The following INPP4B variants were observed in gnomAD, a reference collection of about 807,000 sequenced individuals.
INPP4B encodes the protein inositol polyphosphate 4-phosphatase type II.
Under a neutral mutation model 122.5 loss-of-function variants are expected in INPP4B, and 55 were observed. The observed-to-expected ratio is 0.45, with a 90% confidence interval of 0.36 to 0.56. INPP4B has a LOEUF of 0.56. Ranked by LOEUF, INPP4B falls within the 20% of genes least tolerant of loss-of-function variation. The probability of loss-of-function intolerance (pLI) is 0.00; values close to 1 mark genes in which losing one functional copy is unlikely to be tolerated. For missense variants in INPP4B, 1,000 were observed against 1,097.7 expected, an observed-to-expected ratio of 0.91 and a Z score of 1.26; for synonymous variants, 403 against 388.7, an observed-to-expected ratio of 1.04 and a Z score of -0.43.
At chr4:142,314,673 G>A in intron 8 of INPP4B, 39 bp downstream of exon 8, 2 of 1,575,038 alleles carry the variant, frequency 1.3e-6, no homozygotes, top group Non-Finnish European at 1.7e-6. Context: ...TAATTTAGAA[G>A]TGATGTGTGT....
chr4:142,203,695 T>C (rs1166197522), intron 14 of INPP4B, among the ~76,000 whole-genome samples: 2 of 152,078 alleles, frequency 1.3e-5, no homozygotes, highest in Non-Finnish European at 2.9e-5. Flanking sequence ...CATGACAACA[T>C]TAGTTCTGCT....
chr4:142,444,113 T>G (rs1030286934), intron 3 of INPP4B, among the ~76,000 whole-genome samples: 1 of 151,946 alleles, frequency 6.6e-6, no homozygotes, highest in African/African-American at 2.4e-5. Context: ...GAAATGTAAA[T>G]AAAACATAAT....
At chr4:142,209,792 C>CAA (rs375306534) in intron 12 of INPP4B, among the ~76,000 whole-genome samples, 2,016 of 38,858 alleles carry the variant, frequency 0.052, 285 homozygotes, top group African/African-American at 0.17. Context: ...GACCCCGTCT[C>CAA]AAAAAAAAAA....
chr4:142,588,607 A>G (rs1736745285), intron 2 of INPP4B, among the ~76,000 whole-genome samples: 1 of 150,658 alleles, frequency 6.6e-6, no homozygotes, highest in Non-Finnish European at 1.5e-5. Flanking sequence ...TTAATTCCAA[A>G]AAATGAAATA....
chr4:142,655,506 C>G (rs1356523054), intron 2 of INPP4B, among the ~76,000 whole-genome samples: 1 of 152,156 alleles, frequency 6.6e-6, no homozygotes, highest in Non-Finnish European at 1.5e-5. Flanking sequence ...ATTTGTACAA[C>G]CTGTATGTTA....
At chr4:142,400,870 C>T (rs1801362204) in intron 7 of INPP4B, among the ~76,000 whole-genome samples, 1 of 152,182 alleles carries the variant, frequency 6.6e-6, no homozygotes, top group African/African-American at 2.4e-5. Context: ...AAAGCATTAA[C>T]ATTCATGCAC....
chr4:142,786,174 G>A (rs1392569329), intron 1 of INPP4B, among the ~76,000 whole-genome samples: 1 of 152,054 alleles, frequency 6.6e-6, no homozygotes, highest in Non-Finnish European at 1.5e-5. Flanking sequence ...GGGCTCTTTG[G>A]ATAAATGGTT....
At chr4:142,306,229 G>GTTTTTTTTTTTT (rs5862582) in intron 8 of INPP4B, among the ~76,000 whole-genome samples, 2 of 135,904 alleles carry the variant, frequency 1.5e-5, no homozygotes, top group African/African-American at 2.7e-5. Flanking sequence ...ACTCCAAATT[G>GTTTTTTTTTTTT]TTTTTTTTTT....
At chr4:142,749,065 GGGA>G (rs1420118521) in intron 1 of INPP4B, among the ~76,000 whole-genome samples, 2 of 151,354 alleles carry the variant, frequency 1.3e-5, no homozygotes, top group South Asian at 2.1e-4. Context: ...ACTTGAACCT[GGGA>G]GGAGAAGTTG....
At chr4:142,082,828 T>A (rs1378015795) in intron 24 of INPP4B, among the ~76,000 whole-genome samples, 3 of 152,132 alleles carry the variant, frequency 2.0e-5, no homozygotes, top group Admixed American at 2.0e-4. Context: ...TTTGCTCTTT[T>A]TAATAAACTT....
At chr4:142,412,119 A>T (rs914209060) in intron 5 of INPP4B, among the ~76,000 whole-genome samples, 7 of 152,102 alleles carry the variant, frequency 4.6e-5, no homozygotes, top group Admixed American at 4.6e-4. Flanking sequence ...GATTCCACTA[A>T]TCAACTGATA....
At chr4:142,259,064 T>A (rs1384609170) in intron 11 of INPP4B, among the ~76,000 whole-genome samples, 1 of 151,814 alleles carries the variant, frequency 6.6e-6, no homozygotes, top group East Asian at 1.9e-4. Context: ...GGGACATGCA[T>A]GAAATTGGAA....
intron 2 of INPP4B, among the ~76,000 whole-genome samples, chr4:142,714,880 C>T (rs1480566230): frequency 1.3e-5 from 2 of 152,086 alleles, no homozygotes; most frequent in Non-Finnish European, 2.9e-5. Context: ...AATTGTTCTA[C>T]AAATCAGACT....
At chr4:142,570,971 C>G (rs2150158481) in intron 2 of INPP4B, among the ~76,000 whole-genome samples, 1 of 151,830 alleles carries the variant, frequency 6.6e-6, no homozygotes, top group East Asian at 1.9e-4. Context: ...CTGTTTTTCT[C>G]CCTGGCTCCC....
At chr4:142,684,351 C>T (rs542415791) in intron 2 of INPP4B, among the ~76,000 whole-genome samples, 4 of 152,030 alleles carry the variant, frequency 2.6e-5, no homozygotes, top group Admixed American at 6.6e-5. Context: ...GGAGACTCAA[C>T]ATAGAAAAGT....
chr4:142,432,840 C>T (rs1244390339), intron 3 of INPP4B, among the ~76,000 whole-genome samples: 1 of 152,000 alleles, frequency 6.6e-6, no homozygotes, highest in African/African-American at 2.4e-5. Context: ...TATGATGAAT[C>T]CTAGCAAAAT....
At chr4:142,201,688 GA>G (rs967677801) in intron 14 of INPP4B, among the ~76,000 whole-genome samples, 4 of 148,382 alleles carry the variant, frequency 2.7e-5, no homozygotes, top group Admixed American at 2.0e-4. Flanking sequence ...CCTCCAAAGA[GA>G]AAAAAATGTA....
chr4:142,617,119 C>G (rs992974677), intron 2 of INPP4B, among the ~76,000 whole-genome samples: 1 of 151,882 alleles, frequency 6.6e-6, no homozygotes, highest in Non-Finnish European at 1.5e-5. Context: ...AAAAATAAAC[C>G]CTCTATTTGC....
chr4:142,321,279 T>C (rs1769911492), intron 7 of INPP4B, among the ~76,000 whole-genome samples: 1 of 152,244 alleles, frequency 6.6e-6, no homozygotes, highest in Non-Finnish European at 1.5e-5. Flanking sequence ...GAGAATTGTT[T>C]GTTTATGTCC....
Sources: gnomAD v4.1 joint callset for allele counts (sites outside exome capture counted in the v4.1 genomes callset) on GRCh38, gnomAD v4.1.1 for gene constraint, MANE v1.5 for transcripts, NCBI Gene and HGNC (gene_info 2026-07-23, HGNC 2026-07-21) for gene names.